IFT56: variants seen among roughly 807,000 people sequenced by gnomAD.
The protein encoded by IFT56 is intraflagellar transport protein 56.
the IFT56 span, chr7:139,140,057 GA>G: frequency 8.0e-7 from 1 of 1,247,108 alleles, no homozygotes; most frequent in Middle Eastern, 2.0e-4. Context: ...GAGTTGTTTT[GA>G]AGATTTTAAA....
chr7:139,152,487 A>G, the IFT56 span, among the ~76,000 whole-genome samples: 5 of 152,248 alleles, frequency 3.3e-5, no homozygotes, highest in Non-Finnish European at 7.3e-5. Context: ...TTCTGTAATT[A>G]CATTATATTT....
chr7:139,144,470 C>T, the IFT56 span, among the ~76,000 whole-genome samples: 2 of 152,082 alleles, frequency 1.3e-5, no homozygotes, highest in Admixed American at 6.5e-5. Context: ...CTTTGTATTA[C>T]ACTACATCAG....
chr7:139,158,905 C>A, the IFT56 span, among the ~76,000 whole-genome samples: 6 of 152,144 alleles, frequency 3.9e-5, no homozygotes, highest in South Asian at 4.1e-4. Flanking sequence ...CAGAGTGAGA[C>A]CCTGTCTCAA....
the IFT56 span, chr7:139,168,485 A>G: frequency 7.3e-5 from 67 of 922,336 alleles, no homozygotes; most frequent in Middle Eastern, 2.1e-4. Context: ...GCAAGCAGCA[A>G]TAGGCTCTCC....
chr7:139,140,143 C>A, the IFT56 span: 3 of 543,574 alleles, frequency 5.5e-6, no homozygotes, highest in East Asian at 6.5e-5. Context: ...CTTTAGTCCT[C>A]AAAGAATATT....
the IFT56 span, chr7:139,133,994 C>T: frequency 1.8e-6 from 2 of 1,091,510 alleles, no homozygotes; most frequent in Non-Finnish European, 1.4e-6. Context: ...TGTGTTCCCA[C>T]GGGGGACAGG....
the IFT56 span, among the ~76,000 whole-genome samples, chr7:139,177,611 A>ATAGT: frequency 6.7e-6 from 1 of 148,476 alleles, no homozygotes; most frequent in Admixed American, 6.8e-5. Flanking sequence ...ATATATATAT[A>ATAGT]GTGTGTGTGT....
chr7:139,145,356 C>T, the IFT56 span, among the ~76,000 whole-genome samples: 2 of 148,804 alleles, frequency 1.3e-5, no homozygotes, highest in Non-Finnish European at 1.5e-5. Flanking sequence ...CACTTCTGTT[C>T]TGCTTGGGAT....
At chr7:139,151,931 C>T in the IFT56 span, among the ~76,000 whole-genome samples, 1 of 152,132 alleles carries the variant, frequency 6.6e-6, no homozygotes, top group Non-Finnish European at 1.5e-5. Context: ...CATGGTGGCA[C>T]ATGCCTGTAA....
the IFT56 span, among the ~76,000 whole-genome samples, chr7:139,142,101 G>A: frequency 6.6e-6 from 1 of 152,184 alleles, no homozygotes; most frequent in Non-Finnish European, 1.5e-5. Flanking sequence ...GCTACTGCAG[G>A]TGGACACCAG....
chr7:139,176,955 C>T, the IFT56 span, among the ~76,000 whole-genome samples: 4 of 151,850 alleles, frequency 2.6e-5, no homozygotes, highest in African/African-American at 7.3e-5. Context: ...GGGCGTATTA[C>T]GAGGTCAGGA....
chr7:139,182,759 AAG>A, the IFT56 span, among the ~76,000 whole-genome samples: 1 of 152,156 alleles, frequency 6.6e-6, no homozygotes, highest in Non-Finnish European at 1.5e-5. Context: ...GAGTAAATGA[AAG>A]AGAGGATGAA....
chr7:139,133,819 C>T, the IFT56 span: 6 of 1,614,018 alleles, frequency 3.7e-6, no homozygotes, highest in Admixed American at 5.0e-5. Context: ...GAGGCGCGGC[C>T]TTCGCTGTGT....
the IFT56 span, chr7:139,189,514 C>A: frequency 1.0e-6 from 1 of 962,370 alleles, no homozygotes; most frequent in Non-Finnish European, 1.6e-6. Flanking sequence ...ATCTGTGATA[C>A]AGGGCTCTGT....
chr7:139,148,282 T>C, the IFT56 span: 26 of 1,613,926 alleles, frequency 1.6e-5, no homozygotes, highest in East Asian at 4.7e-4. Context: ...TCAAGAAGTT[T>C]TGGCTGTTTA....
At chr7:139,156,500 G>C in the IFT56 span, among the ~76,000 whole-genome samples, 1 of 151,524 alleles carries the variant, frequency 6.6e-6, no homozygotes, top group Non-Finnish European at 1.5e-5. Flanking sequence ...ACTGCATCCC[G>C]TAAGTTTTGT....
chr7:139,179,405 G>A, the IFT56 span, among the ~76,000 whole-genome samples: 2 of 152,192 alleles, frequency 1.3e-5, no homozygotes, highest in Admixed American at 6.5e-5. Flanking sequence ...AATTTCTGGT[G>A]AAATACTTTA....
chr7:139,177,180 A>T, the IFT56 span, among the ~76,000 whole-genome samples: 1 of 151,398 alleles, frequency 6.6e-6, no homozygotes, highest in Non-Finnish European at 1.5e-5. Flanking sequence ...TCAAAAAAAA[A>T]AAAAGAAAGA....
chr7:139,143,132 A>G, the IFT56 span, among the ~76,000 whole-genome samples: 2 of 152,176 alleles, frequency 1.3e-5, no homozygotes, highest in Admixed American at 1.3e-4. Flanking sequence ...TTAAAAATTT[A>G]TAAAAATGTC....
Sources: gnomAD v4.1 joint callset for allele counts (sites outside exome capture counted in the v4.1 genomes callset) on GRCh38, gnomAD v4.1.1 for gene constraint, MANE v1.5 for transcripts, NCBI Gene and HGNC (gene_info 2026-07-23, HGNC 2026-07-21) for gene names.